The following KAZN variants were observed in gnomAD, a reference collection of about 807,000 sequenced individuals.
KAZN encodes kazrin, periplakin interacting protein.
KAZN carries 40 observed loss-of-function variants against 87.4 expected under a neutral mutation model. The observed-to-expected ratio is 0.46, with a 90% CI of 0.36 to 0.60. The LOEUF (loss-of-function observed/expected upper bound fraction) is 0.60. KAZN is among the 20% of genes least tolerant of loss of function. The probability of loss-of-function intolerance (pLI) is 0.00; values close to 1 mark genes in which losing one functional copy is unlikely to be tolerated. For synonymous variants in KAZN, 466 were observed against 458.3 expected (o/e 1.02, Z -0.22); for missense variants, 898 against 1,073.9 (o/e 0.84, Z 2.29).
At chr1:14,578,500 C>A (rs993615021) in intron 2 of KAZN, among the ~76,000 whole-genome samples, 1 of 152,118 alleles carries the variant, frequency 6.6e-6, no homozygotes, top group East Asian at 1.9e-4. Context: ...TTTACATAAA[C>A]CCTTGTGATC....
At chr1:14,841,835 A>G (rs1048265916) in intron 1 of KAZN, among the ~76,000 whole-genome samples, 5 of 151,408 alleles carry the variant, frequency 3.3e-5, no homozygotes, top group Non-Finnish European at 5.9e-5. Flanking sequence ...CTGATTATCT[A>G]TCTCATTTCA....
intron 2 of KAZN, among the ~76,000 whole-genome samples, chr1:14,313,980 C>T (rs927505779): frequency 6.6e-6 from 1 of 152,078 alleles, no homozygotes; most frequent in Non-Finnish European, 1.5e-5. Flanking sequence ...TTGCCTAGTT[C>T]TAATCAGTGG....
chr1:14,400,832 A>G (rs1663337589), intron 2 of KAZN, among the ~76,000 whole-genome samples: 1 of 152,246 alleles, frequency 6.6e-6, no homozygotes, highest in Admixed American at 6.5e-5. Flanking sequence ...AAGAATTAGC[A>G]TTGAACACTG....
chr1:14,208,491 ACAGAGT>A (rs1233772253), intron 2 of KAZN, among the ~76,000 whole-genome samples: 1 of 152,194 alleles, frequency 6.6e-6, no homozygotes, highest in African/African-American at 2.4e-5. Flanking sequence ...CTCTGAGTAG[ACAGAGT>A]GAAAAAAAGC....
chr1:14,199,629 T>C (rs1386320077), intron 2 of KAZN, among the ~76,000 whole-genome samples: 5 of 152,190 alleles, frequency 3.3e-5, no homozygotes, highest in African/African-American at 1.2e-4. Flanking sequence ...AGAAGGGCTC[T>C]GGGGATGAAG....
chr1:14,257,975 GAAA>G (rs201805345), intron 2 of KAZN, among the ~76,000 whole-genome samples: 3 of 87,964 alleles, frequency 3.4e-5, no homozygotes, highest in African/African-American at 4.3e-5. Context: ...AAAAAAAAGA[GAAA>G]AAAAAAAAAG....
chr1:13,919,822 A>T (rs1370899232), intron 1 of KAZN, among the ~76,000 whole-genome samples: 1 of 152,326 alleles, frequency 6.6e-6, no homozygotes, highest in East Asian at 1.9e-4. Context: ...AGTCCACAAT[A>T]TTAATATTTC....
intron 1 of KAZN, among the ~76,000 whole-genome samples, chr1:14,933,285 G>T (rs1035545570): frequency 6.6e-6 from 1 of 152,082 alleles, no homozygotes; most frequent in Non-Finnish European, 1.5e-5. Context: ...TAGAGACAGG[G>T]TTTCACCATG....
chr1:14,061,548 A>G (rs988210547), intron 1 of KAZN, among the ~76,000 whole-genome samples: 3 of 152,234 alleles, frequency 2.0e-5, no homozygotes, highest in Admixed American at 6.5e-5. Context: ...AAGCAGACCC[A>G]CATCCCAAAG....
intron 2 of KAZN, among the ~76,000 whole-genome samples, chr1:14,371,923 G>A (rs1660514288): frequency 1.3e-5 from 2 of 152,196 alleles, no homozygotes; most frequent in Non-Finnish European, 2.9e-5. Context: ...TTTGTAAACC[G>A]AGTTAGATTT....
chr1:14,139,116 G>A (rs1448446259), intron 1 of KAZN, among the ~76,000 whole-genome samples: 1 of 152,132 alleles, frequency 6.6e-6, no homozygotes. Context: ...ACCCCTTAAT[G>A]CATTAATTGC....
intron 1 of KAZN, among the ~76,000 whole-genome samples, chr1:14,788,469 G>GCTTATAGAA (rs142517182): frequency 1.3e-5 from 2 of 152,124 alleles, no homozygotes; most frequent in African/African-American, 4.8e-5. Context: ...TGGGGAGGCA[G>GCTTATAGAA]CCTTCAAGAA....
intron 2 of KAZN, among the ~76,000 whole-genome samples, chr1:14,401,400 T>A (rs1663397710): frequency 2.0e-5 from 3 of 151,716 alleles, no homozygotes; most frequent in African/African-American, 7.3e-5. Flanking sequence ...CAATCTCGTA[T>A]GTTGAACACA....
chr1:14,609,559 A>G (rs886502379), intron 1 of KAZN, among the ~76,000 whole-genome samples: 10 of 152,240 alleles, frequency 6.6e-5, no homozygotes, highest in South Asian at 2.1e-4. Context: ...CATTTATTCT[A>G]AAACAAGAGC....
intron 2 of KAZN, among the ~76,000 whole-genome samples, chr1:14,239,979 G>A (rs1033569798): frequency 2.0e-5 from 3 of 152,176 alleles, no homozygotes; most frequent in Non-Finnish European, 4.4e-5. Flanking sequence ...AATATTTGTA[G>A]TGCTGAGCTT....
intron 1 of KAZN, among the ~76,000 whole-genome samples, chr1:14,770,908 T>G (rs1408750253): frequency 6.6e-6 from 1 of 152,148 alleles, no homozygotes; most frequent in African/African-American, 2.4e-5. Flanking sequence ...AATGTCAATT[T>G]ACTGAGAAAG....
At position 14,205,940 on chromosome 1, in the gene KAZN, G is replaced by A. The variant is rs1469658298; in HGVS notation, c.249+25348G>A. Among the ~76,000 whole-genome samples, 3 of 133,448 alleles carry A rather than the reference G, an allele frequency of 2.2e-5. No individual in the cohort carries two copies. The Admixed American group carries it at 2.5e-4, about 11-fold the overall frequency. 87.5% of individuals were successfully genotyped at this position (133,448 alleles called of 152,430 possible). A position where few individuals can be genotyped will look rare whatever the true frequency, so the allele number is the denominator to read the frequency against. On this transcript the variant is annotated intron_variant, in intron 2 of 16. Transcript: ENST00000636203. ...ATGTTAAATGACGAGTTTAATGGGT[G>A]CAACACACCAACGTGGCGCATGTAT...
At chr1:15,061,240 A>G (rs1638770119) in intron 6 of KAZN, 1 of 152,404 alleles carries the variant, frequency 6.6e-6, no homozygotes, top group African/African-American at 2.4e-5. Flanking sequence ...AATAATAAGC[A>G]TGTACATAAC....
intron 2 of KAZN, among the ~76,000 whole-genome samples, chr1:14,961,340 T>A (rs570675474): frequency 6.6e-6 from 1 of 152,300 alleles, no homozygotes; most frequent in Admixed American, 6.5e-5. Flanking sequence ...AGTTGGAAGA[T>A]GACATGGTGT....
Sources: allele counts gnomAD v4.1 joint callset (sites outside exome capture counted in the v4.1 genomes callset), GRCh38; gene constraint gnomAD v4.1.1; transcripts MANE v1.5; gene names NCBI Gene and HGNC (gene_info 2026-07-23, HGNC 2026-07-21).